AGBL4: variants seen among roughly 807,000 people sequenced by gnomAD.
AGBL4 encodes AGBL carboxypeptidase 4.
Under a neutral mutation model 66.4 loss-of-function variants are expected in AGBL4, and 58 were observed. The observed-to-expected ratio is 0.87, with a 90% CI of 0.71 to 1.09. The LOEUF is 1.09. Among genes scored for constraint, AGBL4 ranks in the 50% least tolerant of loss-of-function variants. The pLI, the probability that AGBL4 is intolerant of heterozygous loss-of-function variation, is 0.00. For missense variants in AGBL4, 579 were observed against 631.0 expected (o/e 0.92, Z 0.88); for synonymous variants, 234 against 222.9 (o/e 1.05, Z -0.44).
At chr1:49,704,056 A>G (rs979408684) in intron 2 of AGBL4, among the ~76,000 whole-genome samples, 29 of 152,126 alleles carry the variant, frequency 1.9e-4, no homozygotes, top group African/African-American at 7.0e-4. Flanking sequence ...AAACTACAAA[A>G]TATTATCGAG....
chr1:49,592,518 G>C (rs1032197443), intron 3 of AGBL4, among the ~76,000 whole-genome samples: 1 of 152,114 alleles, frequency 6.6e-6, no homozygotes, highest in Non-Finnish European at 1.5e-5. Context: ...GCAGTGAACC[G>C]AGATCATGCC....
At chr1:49,926,906 C>T (rs1429747423) in intron 1 of AGBL4, among the ~76,000 whole-genome samples, 1 of 152,078 alleles carries the variant, frequency 6.6e-6, no homozygotes, top group Non-Finnish European at 1.5e-5. Flanking sequence ...TATTAATTCA[C>T]ACAATCACAA....
chr1:49,020,317 C>T (rs559628861), intron 5 of AGBL4, among the ~76,000 whole-genome samples: 3 of 152,238 alleles, frequency 2.0e-5, no homozygotes, highest in East Asian at 3.9e-4. Flanking sequence ...ATTATCAGCC[C>T]TTGGGCCTGT....
rs576881741 is a variant in AGBL4 at position 49,430,090 on chromosome 1, C to A, written c.283-184226G>T. 3.3e-5 allele frequency among the ~76,000 whole-genome samples: 5 copies of A among 152,114 alleles called. No homozygotes were observed. In the South Asian group the frequency reaches 8.3e-4, roughly 25 times the overall value. On this transcript the variant is annotated intron_variant, in intron 3 of 13. Transcript: ENST00000371839. ...TCAAACTCAAACTCCTGAGCTCAAGCAATCCACCTGCCTCGGCCTCCAAAA... is the reference window on the plus strand; with the variant it reads ...TCAAACTCAAACTCCTGAGCTCAAGAAATCCACCTGCCTCGGCCTCCAAAA...
intron 2 of AGBL4, among the ~76,000 whole-genome samples, chr1:49,837,957 T>C (rs1337548050): frequency 6.6e-6 from 1 of 152,150 alleles, no homozygotes; most frequent in Non-Finnish European, 1.5e-5. Flanking sequence ...AACCCCACCA[T>C]TTATAGTAAC....
intron 3 of AGBL4, among the ~76,000 whole-genome samples, chr1:49,552,745 G>C (rs1443392406): frequency 6.6e-6 from 1 of 152,112 alleles, no homozygotes; most frequent in East Asian, 1.9e-4. Flanking sequence ...AGTCGATTTG[G>C]AGCTATGATT....
chr1:48,720,801 A>T (rs1288040810), intron 6 of AGBL4, among the ~76,000 whole-genome samples: 2 of 152,054 alleles, frequency 1.3e-5, no homozygotes, highest in Admixed American at 6.5e-5. Flanking sequence ...ATTACAATAC[A>T]ATCCTCTGAG....
At position 48,587,034 on chromosome 1, in the gene AGBL4, T is replaced by C. The variant is rs779477666; in HGVS notation, c.1237A>G (p.Thr413Ala). The change falls in exon 11 of 14, where the codon ACG (threonine) becomes GCG (alanine). Residue 413 changes from threonine to alanine, a missense_variant. Physicochemically the swap from Thr to Ala is moderately conservative, Grantham distance 58. Transcript: ENST00000371839. ...TCTTCAGTGTAGGGCACAGCAGCCG[T>C]GGTGCCACTGATGATGTAGCTGTAG... is the stretch of plus-strand genomic sequence containing the variant. ...SFYSYIISGT[T>A]AAVPYTEEAY... The C allele has an allele frequency of 6.2e-7, 1 of 1,609,696 alleles. No homozygotes were observed. Among genetic ancestry groups the C allele is most frequent in the South Asian group, 1.1e-5 (1 of 89,662 alleles).
chr1:49,912,643 A>G (rs1349892055), intron 1 of AGBL4, among the ~76,000 whole-genome samples: 2 of 152,112 alleles, frequency 1.3e-5, no homozygotes, highest in African/African-American at 2.4e-5. Flanking sequence ...AAAAATACCT[A>G]TATCCTAGAC....
intron 3 of AGBL4, among the ~76,000 whole-genome samples, chr1:49,499,231 C>T (rs1347472706): frequency 4.6e-5 from 7 of 151,946 alleles, no homozygotes; most frequent in South Asian, 2.1e-4. Flanking sequence ...AATCTCCTTT[C>T]TCAACATTTG....
intron 8 of AGBL4, among the ~76,000 whole-genome samples, chr1:48,641,884 G>C (rs1302429782): frequency 2.0e-5 from 3 of 152,186 alleles, no homozygotes; most frequent in African/African-American, 4.8e-5. Context: ...CTCATGTGCA[G>C]TGAGAGGTAG....
chr1:48,968,779 T>C (rs1412754914), intron 5 of AGBL4, among the ~76,000 whole-genome samples: 1 of 152,096 alleles, frequency 6.6e-6, no homozygotes, highest in African/African-American at 2.4e-5. Context: ...TTGCATTGTT[T>C]TTCATAAGCT....
intron 11 of AGBL4, 133 bp from the exon 12 acceptor site, chr1:48,539,871 T>C: frequency 1.9e-6 from 1 of 518,564 alleles, no homozygotes. Flanking sequence ...GTATGCGCTG[T>C]CTTTTTTGAT....
intron 3 of AGBL4, among the ~76,000 whole-genome samples, chr1:49,622,757 G>A (rs992120379): frequency 4.0e-5 from 6 of 150,228 alleles, no homozygotes; most frequent in African/African-American, 1.5e-4. Flanking sequence ...CATATAAAAC[G>A]CTCAGAAAAT....
intron 5 of AGBL4, among the ~76,000 whole-genome samples, chr1:48,980,597 G>A (rs938386536): frequency 6.6e-6 from 1 of 151,492 alleles, no homozygotes; most frequent in Admixed American, 6.6e-5. Flanking sequence ...CTACTTGGGA[G>A]GGTGAGGCAG....
chr1:49,615,022 T>C (rs1448363525), intron 3 of AGBL4, among the ~76,000 whole-genome samples: 2 of 152,144 alleles, frequency 1.3e-5, no homozygotes, highest in African/African-American at 4.8e-5. Context: ...AAAATTGAGA[T>C]ATAGAACAAT....
At chr1:49,126,343 T>A (rs973167870) in intron 4 of AGBL4, among the ~76,000 whole-genome samples, 7 of 152,176 alleles carry the variant, frequency 4.6e-5, no homozygotes, top group African/African-American at 1.7e-4. Flanking sequence ...AATAGTGATC[T>A]GAAGACTCCA....
At chr1:49,466,825 G>T (rs1646641283) in intron 3 of AGBL4, among the ~76,000 whole-genome samples, 1 of 151,716 alleles carries the variant, frequency 6.6e-6, no homozygotes, top group African/African-American at 2.4e-5. Context: ...TATATCACTG[G>T]AGCAGATTCA....
intron 3 of AGBL4, among the ~76,000 whole-genome samples, chr1:49,363,034 T>A (rs945043796): frequency 6.6e-6 from 1 of 152,126 alleles, no homozygotes; most frequent in African/African-American, 2.4e-5. Flanking sequence ...AGTCAAGGTC[T>A]CCTGGATGGA....
Sources: allele counts gnomAD v4.1 joint callset (sites outside exome capture counted in the v4.1 genomes callset), GRCh38; gene constraint gnomAD v4.1.1; transcripts MANE v1.5; gene names NCBI Gene and HGNC (gene_info 2026-07-23, HGNC 2026-07-21).